The following DLGAP5 variants were observed in gnomAD, a reference collection of about 807,000 sequenced individuals.
DLGAP5 encodes DLG associated protein 5, also known as disks large-associated protein 5.
DLGAP5 carries 90 observed loss-of-function variants against 99.6 expected under a neutral mutation model. That is an observed-to-expected ratio of 0.90 (90% CI 0.76 to 1.08). The LOEUF (loss-of-function observed/expected upper bound fraction) is 1.08, where lower values mean the gene tolerates loss of function less well. DLGAP5 is among the 50% of genes least tolerant of loss of function. The pLI, the probability that DLGAP5 is intolerant of heterozygous loss-of-function variation, is 0.00. For synonymous variants in DLGAP5, 311 were observed against 321.3 expected (o/e 0.97, Z 0.34); for missense variants, 1,036 against 983.5 (o/e 1.05, Z -0.71).
Position 55,183,751 on chromosome 14 carries a change from C to T in DLGAP5, c.241G>A (p.Ala81Thr). ...VPEKTNVKPR[A>T]MKTILGDQRK... ...TGATCACCTAGAATAGTTTTCATTG[C>T]CCCTAGGCAGAAAAAAAACCAAAAC... Residue 81 changes from alanine (A) to threonine (T), a missense_variant and splice_region_variant, in exon 3 of 19, where the codon GCA (alanine) becomes ACA (threonine). Physicochemically the swap from Ala to Thr is moderately conservative, Grantham distance 58. Transcript: ENST00000247191. 1.3e-6 allele frequency: 2 copies of T among 1,564,442 alleles called. No homozygotes were observed. The highest frequency in any genetic ancestry group is 2.3e-5 in the East Asian group (1 of 44,226).
intron 2 of DLGAP5, among the ~76,000 whole-genome samples, chr14:55,187,114 C>T (rs1185498655): frequency 6.6e-6 from 1 of 151,920 alleles, no homozygotes; most frequent in Non-Finnish European, 1.5e-5. Context: ...CCATGTTGGC[C>T]AGAATGGTCT....
intron 6 of DLGAP5, 38 bp downstream of exon 6, chr14:55,180,618 C>T (rs997591216): frequency 5.0e-6 from 8 of 1,609,774 alleles, no homozygotes; most frequent in East Asian, 2.2e-5. Context: ...AAGGACCAAA[C>T]ATTCTAGTTC....
chr14:55,164,507 C>T (rs1314471028), intron 12 of DLGAP5, among the ~76,000 whole-genome samples: 1 of 152,008 alleles, frequency 6.6e-6, no homozygotes, highest in Admixed American at 6.6e-5. Flanking sequence ...CCAAATGGAT[C>T]ATAGACTTAA....
At chr14:55,160,541 G>A (rs562428290) in intron 13 of DLGAP5, among the ~76,000 whole-genome samples, 4 of 151,898 alleles carry the variant, frequency 2.6e-5, no homozygotes, top group South Asian at 2.1e-4. Flanking sequence ...TCTGCCTCCC[G>A]GGTTCAAGTG....
intron 14 of DLGAP5, among the ~76,000 whole-genome samples, chr14:55,156,141 A>G (rs1478738543): frequency 6.6e-6 from 1 of 152,012 alleles, no homozygotes. Flanking sequence ...CTACCACATA[A>G]CCCCTCAAAA....
intron 11 of DLGAP5, 83 bp downstream of exon 11, chr14:55,170,619 G>T: frequency 8.5e-7 from 1 of 1,178,766 alleles, no homozygotes; most frequent in Non-Finnish European, 1.2e-6. Context: ...ATAAAGTTAG[G>T]CAATGCTATA....
In DLGAP5 at chr14:55,158,650, G is replaced by C; in HGVS notation, c.1745C>G (p.Ala582Gly). 2.5e-6 allele frequency: 4 copies of C among 1,613,982 alleles called. No individual in the cohort carries two copies. Among genetic ancestry groups the C allele is most frequent in the African/African-American group, 1.3e-5 (1 of 75,000 alleles). ...ARNRLAAIKN[A>G]MRERIRQEEC... ...TTCCTGCCTAATTCTCTCTCTCATTGCATTTTTTATGGCAGCTAGGCGATT... is the reference window on the plus strand; with the variant it reads ...TTCCTGCCTAATTCTCTCTCTCATTCCATTTTTTATGGCAGCTAGGCGATT... Residue 582 changes from alanine (A) to glycine (G), a missense_variant, in exon 14 of 19, where the codon GCA becomes GGA. Transcript: ENST00000247191.
At chr14:55,189,266 C>G (rs1883531748) in intron 1 of DLGAP5, 86 bp from the exon 2 acceptor site, 1 of 947,186 alleles carries the variant, frequency 1.1e-6, no homozygotes, top group South Asian at 1.5e-5. Context: ...TGTCCCACTT[C>G]AGGGCCTTCT....
chr14:55,177,035 G>T (rs754288044), intron 8 of DLGAP5, 27 bp downstream of exon 8: 6 of 1,026,768 alleles, frequency 5.8e-6, no homozygotes, highest in Admixed American at 6.6e-5. Flanking sequence ...CTTAGCAAGA[G>T]ACTTATTATT....
chr14:55,183,901 C>G, intron 2 of DLGAP5, 148 bp from the exon 3 acceptor site: 2 of 778,040 alleles, frequency 2.6e-6, no homozygotes, highest in Non-Finnish European at 3.8e-6. Context: ...GCCTGTAATC[C>G]CAGCACTTTG....
At chr14:55,162,744 T>C (rs1054364989) in intron 13 of DLGAP5, among the ~76,000 whole-genome samples, 4 of 152,118 alleles carry the variant, frequency 2.6e-5, no homozygotes, top group African/African-American at 9.7e-5. Context: ...GACATAACTA[T>C]CCTAAATTTT....
At chr14:55,156,680 C>T (rs779200008) in intron 14 of DLGAP5, among the ~76,000 whole-genome samples, 5 of 152,170 alleles carry the variant, frequency 3.3e-5, no homozygotes, top group Non-Finnish European at 5.9e-5. Flanking sequence ...ACCAGATTCC[C>T]GAGGAAAGCC....
At position 55,175,915 on chromosome 14, in the gene DLGAP5, G is replaced by T. The variant is rs746097243; in HGVS notation, c.1153C>A (p.Pro385Thr). ...DSNKLPCPLGPLTVWHEEHVL... is the reference protein window; with the variant it reads ...DSNKLPCPLGTLTVWHEEHVL... ...ATACCTTCATGCCAAACAGTTAGAG[G>T]ACCCAAAGGACATGGCAATTTATTT... Residue 385 changes from proline (P) to threonine (T), a missense_variant, in exon 9 of 19, where the codon CCT becomes ACT. Physicochemically the swap from Pro to Thr is conservative, Grantham distance 38 (BLOSUM62 -1). Transcript: ENST00000247191. The T allele has an allele frequency of 6.2e-7, 1 of 1,601,510 alleles. No homozygotes were observed.
At chr14:55,171,910 A>T (rs1186208909) in intron 10 of DLGAP5, among the ~76,000 whole-genome samples, 1 of 152,220 alleles carries the variant, frequency 6.6e-6, no homozygotes, top group African/African-American at 2.4e-5. Context: ...TAGCAGAGTC[A>T]AAATCAGAGA....
Position 55,163,244 on chromosome 14 carries a change from T to A in DLGAP5, c.1549-169A>T, listed in dbSNP as rs541333601. Among the ~76,000 whole-genome samples, 4 of 152,300 alleles carry A rather than the reference T, an allele frequency of 2.6e-5. No homozygotes were observed. The East Asian group carries it at 7.7e-4, about 29-fold the overall frequency. On this transcript the variant is annotated intron_variant, in intron 12 of 18. Coordinates refer to ENST00000247191, the MANE Select transcript of DLGAP5 (RefSeq NM_014750.5). ...TGTTCAAATAATTTTTATGGTAAAG[T>A]TTTTCATTATCTTTCGTCTTACAAA... is the stretch of plus-strand genomic sequence containing the variant.
intron 2 of DLGAP5, among the ~76,000 whole-genome samples, chr14:55,185,886 A>G (rs1219932743): frequency 6.6e-6 from 1 of 152,268 alleles, no homozygotes; most frequent in African/African-American, 2.4e-5. Flanking sequence ...CCAAGATTCA[A>G]TAATTATGAA....
intron 13 of DLGAP5, among the ~76,000 whole-genome samples, chr14:55,159,963 G>A (rs765602899): frequency 2.6e-5 from 4 of 152,196 alleles, no homozygotes; most frequent in Non-Finnish European, 4.4e-5. Context: ...CGCACTTTGG[G>A]AGGCTGAGGC....
At chr14:55,154,868 G>C in intron 14 of DLGAP5, 62 bp from the exon 15 acceptor site, 1 of 1,421,996 alleles carries the variant, frequency 7.0e-7, no homozygotes, top group Non-Finnish European at 9.7e-7. Flanking sequence ...TTATAACTAG[G>C]AATACGGTGA....
chr14:55,163,983 C>T (rs949595819), intron 12 of DLGAP5, among the ~76,000 whole-genome samples: 1 of 152,164 alleles, frequency 6.6e-6, no homozygotes, highest in African/African-American at 2.4e-5. Flanking sequence ...CTTGTCTTCT[C>T]ATTTTCTTGA....
Sources: allele counts gnomAD v4.1 joint callset (sites outside exome capture counted in the v4.1 genomes callset), GRCh38; gene constraint gnomAD v4.1.1; transcripts MANE v1.5; gene names NCBI Gene and HGNC (gene_info 2026-07-23, HGNC 2026-07-21).